The following TCF20 variants were observed in gnomAD, a reference collection of about 807,000 sequenced individuals.
TCF20 encodes the protein transcription factor 20.
Under a neutral mutation model 148.6 loss-of-function variants are expected in TCF20, and 3 were observed. The ratio of observed to expected loss-of-function variants is 0.02; its 90% CI spans 0.01 to 0.05. The LOEUF is 0.05. TCF20 is among the 10% of genes least tolerant of loss of function. The pLI is 1.00. For missense variants in TCF20, 2,350 were observed against 2,429.3 expected, an observed-to-expected ratio of 0.97 and a Z score of 0.69; for synonymous variants, 1,049 against 909.5, an observed-to-expected ratio of 1.15 and a Z score of -2.76.
chr22:42,315,772 G>A (rs1339100611), intron 1 of TCF20, among the ~76,000 whole-genome samples: 1 of 152,136 alleles, frequency 6.6e-6, no homozygotes, highest in Non-Finnish European at 1.5e-5. Flanking sequence ...AGCCCCAGGT[G>A]GAGGAGACAA....
intron 1 of TCF20, among the ~76,000 whole-genome samples, chr22:42,336,985 G>T (rs1429076964): frequency 6.6e-6 from 1 of 152,174 alleles, no homozygotes; most frequent in Non-Finnish European, 1.5e-5. Context: ...CATCAGCCTG[G>T]GAGTTGCACA....
At chr22:42,215,528 T>C (rs986071334) in intron 1 of TCF20, 187 bp from the exon 2 acceptor site, 28 of 695,494 alleles carry the variant, frequency 4.0e-5, no homozygotes, top group Middle Eastern at 4.2e-4. Context: ...TGGAGTGCAA[T>C]TGCACGATCT....
At chr22:42,342,650 G>T (rs930254766) in intron 1 of TCF20, among the ~76,000 whole-genome samples, 2 of 152,186 alleles carry the variant, frequency 1.3e-5, no homozygotes, top group Non-Finnish European at 2.9e-5. Flanking sequence ...CAGAGCCCTC[G>T]GGTCAGAAGC....
intron 1 of TCF20, among the ~76,000 whole-genome samples, chr22:42,257,192 C>T (rs993497558): frequency 3.3e-5 from 5 of 152,162 alleles, no homozygotes; most frequent in Admixed American, 6.5e-5. Flanking sequence ...AGGAGAAATA[C>T]CCAGCATTCC....
chr22:42,315,325 T>C (rs1006508552), intron 1 of TCF20, among the ~76,000 whole-genome samples: 2 of 152,088 alleles, frequency 1.3e-5, no homozygotes, highest in African/African-American at 4.8e-5. Context: ...GTGGGCTCCA[T>C]CTGGGGTCCT....
chr22:42,163,162 G>A (rs756354704), intron 5 of TCF20, among the ~76,000 whole-genome samples: 1 of 152,170 alleles, frequency 6.6e-6, no homozygotes, highest in African/African-American at 2.4e-5. Context: ...CCCCAATCTT[G>A]CTCATTACTC....
chr22:42,287,700 T>A (rs1403273555), upstream of TCF20, among the ~76,000 whole-genome samples: 1 of 152,046 alleles, frequency 6.6e-6, no homozygotes, highest in Non-Finnish European at 1.5e-5. Context: ...GGTTTCAAAT[T>A]TAGCTGCTCA....
chr22:42,287,563 C>T (rs915479091), upstream of TCF20, among the ~76,000 whole-genome samples: 3 of 152,138 alleles, frequency 2.0e-5, no homozygotes, highest in African/African-American at 7.2e-5. Context: ...TTACTGTTCC[C>T]GGCACTGAGG....
chr22:42,341,208 A>C (rs1356682260), intron 1 of TCF20, among the ~76,000 whole-genome samples: 1 of 151,966 alleles, frequency 6.6e-6, no homozygotes, highest in African/African-American at 2.4e-5. Flanking sequence ...CACCCTCTCC[A>C]ATCAGCCAGC....
chr22:42,176,449 C>T (rs374643455), intron 3 of TCF20, among the ~76,000 whole-genome samples: 6 of 152,280 alleles, frequency 3.9e-5, no homozygotes, highest in African/African-American at 1.4e-4. Flanking sequence ...TTATGCCTCA[C>T]GCCTGTTCCC....
At chr22:42,320,585 G>A (rs993778021) in intron 1 of TCF20, among the ~76,000 whole-genome samples, 3 of 152,208 alleles carry the variant, frequency 2.0e-5, no homozygotes, top group Non-Finnish European at 2.9e-5. Context: ...TTCATCTCCA[G>A]GAGAATAGAA....
intron 1 of TCF20, among the ~76,000 whole-genome samples, chr22:42,289,592 AAG>A (rs1375298167): frequency 6.6e-6 from 1 of 152,124 alleles, no homozygotes; most frequent in Non-Finnish European, 1.5e-5. Context: ...AGGTGGTGTA[AAG>A]TGTGCGGTGA....
chr22:42,208,202 A>G (rs940410493), intron 2 of TCF20, among the ~76,000 whole-genome samples: 3 of 152,206 alleles, frequency 2.0e-5, no homozygotes, highest in Non-Finnish European at 2.9e-5. Flanking sequence ...AATACGTTAT[A>G]ATGTATTCAA....
chr22:42,272,633 C>T (rs1365140299), upstream of TCF20, among the ~76,000 whole-genome samples: 1 of 152,202 alleles, frequency 6.6e-6, no homozygotes, highest in African/African-American at 2.4e-5. Flanking sequence ...CCCTTTCAGA[C>T]CCTGCCAGAA....
rs953521628 is a variant in TCF20 at position 42,169,791 on chromosome 22, G to A, written c.5799+56C>T. On this transcript the variant is annotated intron_variant, in intron 4 of 5. Coordinates refer to ENST00000677622, the MANE Select transcript of TCF20 (RefSeq NM_001378418.1). ...CAACACCTGGTCTTCAGGTCTTTCA[G>A]GAGGAGCCACCCTCGATCCCATCCC... is the stretch of plus-strand genomic sequence containing the variant. 3.8e-6 allele frequency: 6 copies of A among 1,593,346 alleles called. No homozygotes were observed. The African/African-American group carries it at 5.4e-5, about 14-fold the overall frequency.
intron 1 of TCF20, among the ~76,000 whole-genome samples, chr22:42,230,474 C>T (rs1923299202): frequency 1.3e-5 from 2 of 152,070 alleles, no homozygotes; most frequent in Non-Finnish European, 2.9e-5. Context: ...ACTATGTATT[C>T]TACTTATAAA....
intron 2 of TCF20, among the ~76,000 whole-genome samples, chr22:42,188,833 T>G: frequency 6.6e-6 from 1 of 152,198 alleles, no homozygotes; most frequent in East Asian, 1.9e-4. Flanking sequence ...GTTCACCTAG[T>G]GTCTACCCTC....
intron 1 of TCF20, among the ~76,000 whole-genome samples, chr22:42,330,894 C>A (rs569011307): frequency 6.6e-6 from 1 of 152,222 alleles, no homozygotes; most frequent in Non-Finnish European, 1.5e-5. Context: ...GAGAAGCTGC[C>A]CTGCTTCGCT....
intron 2 of TCF20, among the ~76,000 whole-genome samples, chr22:42,199,525 TAC>T (rs919865052): frequency 2.0e-5 from 3 of 152,142 alleles, no homozygotes; most frequent in African/African-American, 4.8e-5. Flanking sequence ...TGTAATTAAA[TAC>T]AGTCTTGGTT....
Sources: allele counts gnomAD v4.1 joint callset (sites outside exome capture counted in the v4.1 genomes callset), GRCh38; gene constraint gnomAD v4.1.1; transcripts MANE v1.5; gene names NCBI Gene and HGNC (gene_info 2026-07-23, HGNC 2026-07-21).